Variants in CARM1 observed in about 807,000 individuals in gnomAD.
CARM1 encodes histone-arginine methyltransferase CARM1.
A neutral mutation model predicts 72.7 loss-of-function variants in CARM1; 14 were observed. That is an observed-to-expected ratio of 0.19 (90% confidence interval 0.13 to 0.30). The LOEUF is 0.30. Ranked by LOEUF, CARM1 falls within the 10% of genes least tolerant of loss-of-function variation. The pLI is 1.00. For missense variants in CARM1, 432 were observed against 833.7 expected (o/e 0.52, Z 5.93); for synonymous variants, 333 against 345.5 (o/e 0.96, Z 0.40).
rs1380523525 is a variant in CARM1 at position 10,920,427 on chromosome 19, G to C, written c.1197-9G>C. ...CCCAGTCAAGTATGTGCCTGTCCCT[G>C]CTCCACAGAATGACCGTGTGGCTGT... is the stretch of plus-strand genomic sequence containing the variant. On this transcript the variant is annotated splice_polypyrimidine_tract_variant and intron_variant, in intron 10 of 15. Transcript: ENST00000327064. This position sits in a 1 kb window ranked among gnomAD's most constrained non-coding sequence, Gnocchi z 5.3. 3 of 1,606,832 alleles carry C rather than the reference G, an allele frequency of 1.9e-6. No homozygotes were observed. The highest frequency in any genetic ancestry group is 2.6e-6 in the Non-Finnish European group (3 of 1,174,394).
In CARM1 at chr19:10,912,140, C is replaced by T. The variant is rs762080686; in HGVS notation, c.559-44C>T. On this transcript the variant is annotated intron_variant, in intron 4 of 15. Coordinates refer to ENST00000327064, the MANE Select transcript of CARM1 (RefSeq NM_199141.2). The surrounding 1 kb of genome is among the most constrained non-coding windows in gnomAD (Gnocchi z 4.5). ...ATGATCACTGTCACCTCCCCATCAC[C>T]GTCGCCTCCTATGTCTCGCTCTCAC... 11 of 1,391,718 alleles carry T rather than the reference C, an allele frequency of 7.9e-6. No homozygotes were observed. The highest frequency in any genetic ancestry group is 2.3e-5 in the South Asian group (2 of 86,686). 86.2% of individuals were successfully genotyped at this position (1,391,718 alleles called of 1,614,324 possible).
At chr19:10,902,290 CTTT>C (rs869120010) in intron 1 of CARM1, among the ~76,000 whole-genome samples, 22,847 of 113,896 alleles carry the variant, frequency 0.2, 1,693 homozygotes, top group Middle Eastern at 0.3. Context: ...ATTGTTGTTT[CTTT>C]TTTTTTTTTT....
intron 1 of CARM1, among the ~76,000 whole-genome samples, chr19:10,885,173 C>G (rs2073932269): frequency 6.6e-6 from 1 of 152,216 alleles, no homozygotes; most frequent in Non-Finnish European, 1.5e-5. Flanking sequence ...CCCTCTTTCC[C>G]TGTCTGTTCC....
chr19:10,884,341 CAAA>C (rs553780774), intron 1 of CARM1, among the ~76,000 whole-genome samples: 1 of 79,600 alleles, frequency 1.3e-5, no homozygotes. Context: ...AACTCCGTCT[CAAA>C]AAAAAAAAAA....
At position 10,921,824 on chromosome 19, in the gene CARM1, G is replaced by A. The variant is rs2078180880; in HGVS notation, c.*67G>A. 4 of 1,499,744 alleles carry A rather than the reference G, an allele frequency of 2.7e-6. No individual in the cohort carries two copies. Among genetic ancestry groups the A allele is most frequent in the Non-Finnish European group, 3.6e-6 (4 of 1,111,630 alleles). The allele number at this position is 1,499,744 out of a possible 1,614,324, so 92.9% of individuals were successfully genotyped here. The stretch of plus-strand genomic sequence containing the variant: ...TGTCCCTGCCCGCCGCCCCCGCCGG[G>A]CGGCTTTCCCCCTTGTACTGGAGAA... On this transcript the variant is annotated 3_prime_UTR_variant, in exon 16 of 16. Transcript: ENST00000327064.
chr19:10,898,199 C>T (rs1336467796), intron 1 of CARM1, among the ~76,000 whole-genome samples: 3 of 151,828 alleles, frequency 2.0e-5, no homozygotes, highest in Non-Finnish European at 2.9e-5. Flanking sequence ...CCCAGCTACT[C>T]GGGAGGCTGA....
At chr19:10,919,778 G>A in intron 9 of CARM1, 98 bp downstream of exon 9, 1 of 1,490,652 alleles carries the variant, frequency 6.7e-7, no homozygotes, top group Non-Finnish European at 9.3e-7. Context: ...CAGGGCAGAT[G>A]GTGGGCGGGG....
rs915394585 is a variant in CARM1, at chr19:10,920,920, A to G, written c.1511A>G (p.Asn504Ser). The G allele has an allele frequency of 1.9e-6, 3 of 1,614,154 alleles. No homozygotes were observed. Among genetic ancestry groups the G allele is most frequent in the Middle Eastern group, 1.6e-4 (1 of 6,062 alleles). Residue 504 changes from asparagine (N) to serine (S), a missense_variant, in exon 13 of 16, where the codon AAC becomes AGC. Asn to Ser is a conservative substitution (Grantham distance 46). This residue lies in a region of CARM1 where 142 missense variants were observed against 188.7 expected (regional missense o/e 0.75). Transcript: ENST00000327064. The surrounding 1 kb of genome is among the most constrained non-coding windows in gnomAD (Gnocchi z 5.3). The stretch of plus-strand genomic sequence containing the variant: ...ATGTGGAACACGGGCAGCACCTACA[A>G]CCTCAGCAGCGGGATGGCCGTGGCA... ...ENMWNTGSTY[N>S]LSSGMAVAGM...
At chr19:10,880,505 C>T (rs776101997) in intron 1 of CARM1, among the ~76,000 whole-genome samples, 2 of 151,444 alleles carry the variant, frequency 1.3e-5, no homozygotes, top group Non-Finnish European at 1.5e-5. Flanking sequence ...CATCACCATG[C>T]CTGGCTAATT....
At chr19:10,901,125 G>A (rs2074061415) in intron 1 of CARM1, among the ~76,000 whole-genome samples, 1 of 152,022 alleles carries the variant, frequency 6.6e-6, no homozygotes, top group Non-Finnish European at 1.5e-5. Context: ...TGGGACTACA[G>A]GCACCCACCA....
Position 10,916,899 on chromosome 19 carries a change from C to T in CARM1, c.1020+122C>T, listed in dbSNP as rs141643503. On this transcript the variant is annotated intron_variant, in intron 8 of 15. Coordinates refer to ENST00000327064, the MANE Select transcript of CARM1 (RefSeq NM_199141.2). This position sits in a 1 kb window ranked among gnomAD's most constrained non-coding sequence, Gnocchi z 4.4. ...TCCTCTGCCCTGCACAGCGCTCTCA[C>T]AGAGATTTGGGCCAAAAGTGTCAAT... The T allele has an allele frequency of 1.0e-4, 75 of 717,410 alleles. 1 individual carries two copies. In the East Asian group the frequency reaches 2.1e-3, roughly 20 times the overall value. The allele number at this position is 717,410 out of a possible 1,614,324, so 44.4% of individuals were successfully genotyped here.
chr19:10,897,754 G>A (rs897041338), intron 1 of CARM1, among the ~76,000 whole-genome samples: 28 of 152,186 alleles, frequency 1.8e-4, no homozygotes, highest in Non-Finnish European at 3.1e-4. Context: ...TTGGGAGGTC[G>A]AGGTGGGTGA....
intron 1 of CARM1, among the ~76,000 whole-genome samples, chr19:10,897,716 G>A (rs1177563723): frequency 1.3e-5 from 2 of 152,102 alleles, no homozygotes; most frequent in East Asian, 1.9e-4. Flanking sequence ...GGCCGGGCAC[G>A]GTGGCTCACA....
At chr19:10,887,899 G>T (rs2073953430) in intron 1 of CARM1, among the ~76,000 whole-genome samples, 1 of 152,180 alleles carries the variant, frequency 6.6e-6, no homozygotes, top group Admixed American at 6.5e-5. Flanking sequence ...TCTGGGTGAG[G>T]CCCTTTTGCC....
intron 1 of CARM1, among the ~76,000 whole-genome samples, chr19:10,876,173 C>A (rs1971039): frequency 0.25 from 37,941 of 152,002 alleles, 4,790 homozygotes; most frequent in Middle Eastern, 0.34. Context: ...GCCACCGCCA[C>A]CAGCCTCACA....
Position 10,871,643 on chromosome 19 carries a change from G to GGCGGCGGCGGCGGCGGCGGCGGCGGCA in CARM1, c.-52_-51insGGCGGCGGCGGCGGCGGCAGCGGCGGC, listed in dbSNP as rs1229466317. 1.2e-4 allele frequency: 17 copies of GGCGGCGGCGGCGGCGGCGGCGGCGGCA among 142,108 alleles called. No individual in the cohort carries two copies. The highest frequency in any genetic ancestry group is 5.5e-4 in the African/African-American group (15 of 27,432). The allele number at this position is 142,108 out of a possible 1,614,324, so 8.8% of individuals were successfully genotyped here. ...CGGCGGCGGCGGCGGCGGCGGCAGCGGCGGCGGCCTGGGCCCGGGCGCAGC... is the reference window on the plus strand; with the variant it reads ...CGGCGGCGGCGGCGGCGGCGGCAGCGGCGGCGGCGGCGGCGGCGGCGGCGGCAGCGGCGGCCTGGGCCCGGGCGCAGC... On this transcript the variant is annotated 5_prime_UTR_variant, in exon 1 of 16. Transcript: ENST00000327064. This position sits in a 1 kb window ranked among gnomAD's most constrained non-coding sequence, Gnocchi z 5.6.
chr19:10,898,733 CT>C (rs1246179361), intron 1 of CARM1, among the ~76,000 whole-genome samples: 1 of 152,242 alleles, frequency 6.6e-6, no homozygotes, highest in East Asian at 1.9e-4. Flanking sequence ...CCCTTCTACC[CT>C]CCTCCTGGGG....
chr19:10,921,483 C>T, intron 15 of CARM1, 40 bp downstream of exon 15: 2 of 1,582,318 alleles, frequency 1.3e-6, no homozygotes, highest in Non-Finnish European at 1.7e-6. Context: ...GGGGGCCGAG[C>T]TAGCGTGTGA....
In CARM1 at chr19:10,896,348, T is replaced by TG. The variant is rs2074023842; in HGVS notation, c.221-8597dup. Among the ~76,000 whole-genome samples, 1 of 151,984 alleles carries TG rather than the reference T, an allele frequency of 6.6e-6. No homozygotes were observed. The highest frequency in any genetic ancestry group is 1.5e-5 in the Non-Finnish European group (1 of 67,966). On this transcript the variant is annotated intron_variant, in intron 1 of 15. Transcript: ENST00000327064. The surrounding 1 kb of genome is among the most constrained non-coding windows in gnomAD (Gnocchi z 5.2). The stretch of plus-strand genomic sequence containing the variant: ...TAGAGTCCCCCAGATTCTGCTGCCC[T>TG]GGGGGGCCAATAAGGAGGGGATGTG...
Sources: gnomAD v4.1 joint callset for allele counts (sites outside exome capture counted in the v4.1 genomes callset) on GRCh38, gnomAD v4.1.1 for gene constraint, gnomAD v4.1.1 regional missense constraint, Gnocchi (gnomAD v3.1) non-coding constraint, MANE v1.5 for transcripts, NCBI Gene and HGNC (gene_info 2026-07-23, HGNC 2026-07-21) for gene names.